ARHGEF4: variants seen among roughly 807,000 people sequenced by gnomAD.
The protein encoded by ARHGEF4 is Rho guanine nucleotide exchange factor 4, also known as APC-stimulated guanine nucleotide exchange factor 1.
A neutral mutation model predicts 162.0 loss-of-function variants in ARHGEF4; 119 were observed. That is an observed-to-expected ratio of 0.73 (90% CI 0.63 to 0.86). The LOEUF (loss-of-function observed/expected upper bound fraction) is 0.86, where lower values mean the gene tolerates loss of function less well. ARHGEF4 is among the 40% of genes least tolerant of loss of function. ARHGEF4 has a pLI of 0.00. For synonymous variants in ARHGEF4, 1,014 were observed against 979.9 expected, an observed-to-expected ratio of 1.03 and a Z score of -0.65; for missense variants, 2,488 against 2,456.0, an observed-to-expected ratio of 1.01 and a Z score of -0.28.
intron 4 of ARHGEF4, among the ~76,000 whole-genome samples, chr2:130,951,623 T>C (rs1383833120): frequency 6.6e-6 from 1 of 152,208 alleles, no homozygotes; most frequent in Non-Finnish European, 1.5e-5. Flanking sequence ...TTTACTGTTT[T>C]CTTTTTCACT....
At chr2:130,918,199 A>G (rs1574226949) in intron 2 of ARHGEF4, among the ~76,000 whole-genome samples, 1 of 152,158 alleles carries the variant, frequency 6.6e-6, no homozygotes, top group Admixed American at 6.5e-5. Context: ...CTTCTACTTT[A>G]TCGTATTTAG....
At chr2:130,958,379 T>C (rs961637781) in intron 4 of ARHGEF4, among the ~76,000 whole-genome samples, 8 of 151,874 alleles carry the variant, frequency 5.3e-5, no homozygotes, top group East Asian at 1.9e-4. Flanking sequence ...GGATGTTTCT[T>C]TTTTTTTGAG....
At chr2:130,987,990 G>A (rs867036462) in intron 4 of ARHGEF4, among the ~76,000 whole-genome samples, 5 of 152,024 alleles carry the variant, frequency 3.3e-5, no homozygotes, top group East Asian at 1.9e-4. Context: ...AATTCTCTGC[G>A]GCAGACTTCT....
At chr2:130,873,242 G>T (rs1009356284) in intron 1 of ARHGEF4, among the ~76,000 whole-genome samples, 7 of 152,194 alleles carry the variant, frequency 4.6e-5, no homozygotes, top group African/African-American at 1.7e-4. Flanking sequence ...CATAAGGCTG[G>T]CCTGTGGCAA....
At chr2:130,852,748 G>A (rs1173135579) in intron 1 of ARHGEF4, among the ~76,000 whole-genome samples, 1 of 152,316 alleles carries the variant, frequency 6.6e-6, no homozygotes, top group African/African-American at 2.4e-5. Flanking sequence ...TCCTGCGGGC[G>A]GTGGAGAGCT....
intron 2 of ARHGEF4, among the ~76,000 whole-genome samples, chr2:130,923,474 A>C (rs1020489134): frequency 2.0e-5 from 3 of 152,158 alleles, no homozygotes; most frequent in Non-Finnish European, 2.9e-5. Context: ...AGCATTACTG[A>C]CCAGTCTACC....
Position 130,985,983 on chromosome 2 carries a change from G to T in ARHGEF4, c.3985+39348G>T, listed in dbSNP as rs1686463012. 3.3e-5 allele frequency among the ~76,000 whole-genome samples: 5 copies of T among 151,512 alleles called. No homozygotes were observed. The South Asian group carries it at 1.0e-3, about 32-fold the overall frequency. ...GTGGTGTGCACTGAATGCATATGTT[G>T]TGTGTGGTATGTGTTGAACATGTAT... On this transcript the variant is annotated intron_variant, in intron 4 of 13. Coordinates refer to ENST00000409359, the MANE Select transcript of ARHGEF4 (RefSeq NM_001367493.1).
At chr2:130,900,413 T>G (rs1680418201) in intron 1 of ARHGEF4, among the ~76,000 whole-genome samples, 1 of 152,214 alleles carries the variant, frequency 6.6e-6, no homozygotes, top group South Asian at 2.1e-4. Flanking sequence ...TTTAAGGTTG[T>G]TAGATCTTAA....
At chr2:130,910,688 C>G (rs1681124962) in intron 1 of ARHGEF4, among the ~76,000 whole-genome samples, 1 of 152,196 alleles carries the variant, frequency 6.6e-6, no homozygotes, top group South Asian at 2.1e-4. Flanking sequence ...AATGCACTAT[C>G]CTTTCAAACG....
chr2:130,839,071 C>T (rs1312850917), intron 1 of ARHGEF4, among the ~76,000 whole-genome samples: 1 of 152,200 alleles, frequency 6.6e-6, no homozygotes, highest in Non-Finnish European at 1.5e-5. Context: ...GAAGCATCAC[C>T]TGTGCCCCTC....
chr2:130,882,277 C>T (rs1359905545), intron 1 of ARHGEF4, among the ~76,000 whole-genome samples: 2 of 152,012 alleles, frequency 1.3e-5, no homozygotes, highest in African/African-American at 4.8e-5. Flanking sequence ...CCTGTTCCTT[C>T]CTGTTTCCAG....
intron 3 of ARHGEF4, among the ~76,000 whole-genome samples, chr2:130,937,074 A>AT (rs1683001093): frequency 1.3e-5 from 2 of 150,402 alleles, no homozygotes; most frequent in Non-Finnish European, 1.5e-5. Context: ...GGCCTGGCTA[A>AT]TTTTTTTTCT....
At chr2:130,995,006 A>G in intron 4 of ARHGEF4, among the ~76,000 whole-genome samples, 1 of 152,192 alleles carries the variant, frequency 6.6e-6, no homozygotes, top group East Asian at 1.9e-4. Flanking sequence ...ATGTGCCCAG[A>G]TGTGGTTATT....
intron 1 of ARHGEF4, among the ~76,000 whole-genome samples, chr2:130,898,138 C>G (rs1005564817): frequency 2.0e-5 from 3 of 152,252 alleles, no homozygotes; most frequent in Admixed American, 2.0e-4. Context: ...CACATTTCCT[C>G]CCTGTGCCTT....
At chr2:130,993,132 C>G (rs1420891049) in intron 4 of ARHGEF4, among the ~76,000 whole-genome samples, 7 of 152,168 alleles carry the variant, frequency 4.6e-5, no homozygotes, top group Admixed American at 4.6e-4. Context: ...TTTTCCAGTA[C>G]AAGCCTAAGG....
chr2:130,862,800 G>GGTTGCC (rs1189995899), intron 1 of ARHGEF4, among the ~76,000 whole-genome samples: 1 of 100,050 alleles, frequency 1.0e-5, no homozygotes, highest in East Asian at 2.7e-4. Context: ...AGGAAGCGGA[G>GGTTGCC]GTTGCAGTGA....
intron 12 of ARHGEF4, 47 bp downstream of exon 12, chr2:131,044,589 C>CTT: frequency 2.0e-6 from 3 of 1,525,484 alleles, no homozygotes; most frequent in Non-Finnish European, 2.6e-6. Flanking sequence ...GCCCACCCGG[C>CTT]GCTCCCGCCT....
intron 4 of ARHGEF4, among the ~76,000 whole-genome samples, chr2:130,987,622 G>C (rs1277012447): frequency 1.3e-5 from 2 of 152,128 alleles, no homozygotes; most frequent in African/African-American, 4.8e-5. Flanking sequence ...ACAGAGCACT[G>C]ATTAGTGCAT....
chr2:130,882,771 T>A (rs1014086368), intron 1 of ARHGEF4, among the ~76,000 whole-genome samples: 1 of 151,626 alleles, frequency 6.6e-6, no homozygotes, highest in Admixed American at 6.6e-5. Context: ...AAGCAGAAAA[T>A]GAAATGTCTG....
Sources: gnomAD v4.1 joint callset for allele counts (sites outside exome capture counted in the v4.1 genomes callset) on GRCh38, gnomAD v4.1.1 for gene constraint, MANE v1.5 for transcripts, NCBI Gene and HGNC (gene_info 2026-07-23, HGNC 2026-07-21) for gene names.